TENM4: variants seen among roughly 807,000 people sequenced by gnomAD.
TENM4 encodes teneurin-4.
In TENM4, 82 loss-of-function variants were observed where a neutral mutation model predicts 243.3. That is an observed-to-expected ratio of 0.34 (90% CI 0.28 to 0.40). The LOEUF (loss-of-function observed/expected upper bound fraction) is 0.40, where lower values mean the gene tolerates loss of function less well. Among genes scored for constraint, TENM4 ranks in the 10% least tolerant of loss-of-function variants. TENM4 has a pLI of 1.00. For missense variants in TENM4, 3,138 were observed against 3,673.3 expected (o/e 0.85, Z 3.77); for synonymous variants, 1,412 against 1,456.3 (o/e 0.97, Z 0.69).
chr11:79,287,444 A>G (rs1051438154), intron 2 of TENM4, among the ~76,000 whole-genome samples: 1 of 152,210 alleles, frequency 6.6e-6, no homozygotes, highest in Admixed American at 6.5e-5. Flanking sequence ...TGGGTCATCC[A>G]ACAAAGATTT....
chr11:78,973,460 C>A (rs769171613), intron 6 of TENM4, among the ~76,000 whole-genome samples: 2 of 152,122 alleles, frequency 1.3e-5, no homozygotes, highest in African/African-American at 2.4e-5. Context: ...TCCTTATTTG[C>A]CATTTGTACA....
intron 1 of TENM4, among the ~76,000 whole-genome samples, chr11:79,331,788 G>C (rs1857065912): frequency 6.6e-6 from 1 of 152,356 alleles, no homozygotes; most frequent in East Asian, 1.9e-4. Context: ...CAGGGGCTGA[G>C]AGCTCAGCCT....
chr11:79,440,322 G>C lies in TENM4; in HGVS notation c.-321+187C>G, dbSNP rs984450036. On this transcript the variant is annotated intron_variant, in intron 1 of 33. Transcript: ENST00000278550. The surrounding 1 kb of genome is among the most constrained non-coding windows in gnomAD (Gnocchi z 4.7). ...AGGCTCCAGAACAGCTTGCCTCTTC[G>C]GCCACCCGCGCCCTAGCCTCCCTCC... Among the ~76,000 whole-genome samples, 4 of 152,156 alleles carry C rather than the reference G, an allele frequency of 2.6e-5. No homozygotes were observed. Among genetic ancestry groups the C allele is most frequent in the Admixed American group, 6.5e-5 (1 of 15,304 alleles).
At chr11:78,807,499 C>T (rs542363567) in intron 14 of TENM4, among the ~76,000 whole-genome samples, 9 of 152,256 alleles carry the variant, frequency 5.9e-5, no homozygotes, top group Non-Finnish European at 8.8e-5. Flanking sequence ...GAGAAGAGTA[C>T]TGAGAATTAA....
intron 6 of TENM4, among the ~76,000 whole-genome samples, chr11:79,030,650 G>A (rs1859205508): frequency 1.3e-5 from 2 of 152,120 alleles, no homozygotes; most frequent in African/African-American, 4.8e-5. Context: ...GCTCAGGCAG[G>A]ACTCTTGGTG....
intron 6 of TENM4, among the ~76,000 whole-genome samples, chr11:78,908,616 G>A (rs542077021): frequency 5.9e-5 from 9 of 152,286 alleles, no homozygotes; most frequent in Admixed American, 3.3e-4. Context: ...AGCTCTAGTC[G>A]CAGGAGGGTG....
chr11:78,805,581 G>A, intron 14 of TENM4, 89 bp from the exon 15 acceptor site: 1 of 1,456,608 alleles, frequency 6.9e-7, no homozygotes, highest in Non-Finnish European at 9.3e-7. Flanking sequence ...TTGTGGCCAA[G>A]GGGCTTCATA....
intron 3 of TENM4, among the ~76,000 whole-genome samples, chr11:79,170,394 T>C (rs1297849317): frequency 2.0e-5 from 3 of 152,172 alleles, no homozygotes; most frequent in African/African-American, 7.2e-5. Context: ...TCAAACAGCA[T>C]TGCCCAAAAT....
intron 2 of TENM4, among the ~76,000 whole-genome samples, chr11:79,264,375 G>C (rs1855848703): frequency 6.6e-6 from 1 of 152,158 alleles, no homozygotes; most frequent in South Asian, 2.1e-4. Context: ...GCAATTATAA[G>C]GCATTTACAA....
rs752626042 is a variant in TENM4 at position 79,064,942 on chromosome 11, G to C, written c.289C>G (p.Arg97Gly). The C allele has an allele frequency of 7.3e-6, 11 of 1,510,386 alleles. No individual in the cohort carries two copies. The highest frequency in any genetic ancestry group is 2.5e-5 in the East Asian group (1 of 40,148). The allele number at this position is 1,510,386 out of a possible 1,614,324, so 93.6% of individuals were successfully genotyped here. Residue 97 changes from arginine (R) to glycine (G), a missense_variant, in exon 6 of 34, where the codon CGG (arginine) becomes GGG (glycine). Physicochemically the swap from Arg to Gly is moderately radical, Grantham distance 125. Around this residue, in one of 2 missense-constraint regions of TENM4, gnomAD observed 671 missense variants for 614.1 expected, o/e 1.09. Coordinates refer to ENST00000278550, the MANE Select transcript of TENM4 (RefSeq NM_001098816.3). ...CAGTGGGGGAGGCCAATGTCTGTCCGGTACAGGGTCCCGTGAGGGGGCGTT... is the reference window on the plus strand; with the variant it reads ...CAGTGGGGGAGGCCAATGTCTGTCCCGTACAGGGTCCCGTGAGGGGGCGTT... The part of the protein sequence containing the change: ...EVTPPHGTLY[R>G]TDIGLPHCGY...
At chr11:79,274,007 G>A (rs573763810) in intron 2 of TENM4, among the ~76,000 whole-genome samples, 9 of 152,228 alleles carry the variant, frequency 5.9e-5, no homozygotes, top group Non-Finnish European at 1.5e-5. Context: ...CTCAGCATCT[G>A]CAAGCTTCAG....
chr11:79,422,402 T>C (rs577613816), intron 1 of TENM4, among the ~76,000 whole-genome samples: 1 of 152,132 alleles, frequency 6.6e-6, no homozygotes, highest in South Asian at 2.1e-4. Flanking sequence ...CTTGGGCAAT[T>C]TACTTACCAT....
intron 2 of TENM4, among the ~76,000 whole-genome samples, chr11:79,247,656 T>C (rs1173837048): frequency 2.6e-5 from 4 of 152,170 alleles, no homozygotes; most frequent in Non-Finnish European, 2.9e-5. Flanking sequence ...AACAGAAATA[T>C]GTGAACATCC....
intron 2 of TENM4, among the ~76,000 whole-genome samples, chr11:79,258,197 G>A (rs1205319108): frequency 6.6e-6 from 1 of 152,164 alleles, no homozygotes; most frequent in Admixed American, 6.5e-5. Flanking sequence ...TTACGATGAT[G>A]AGACCTTGGA....
At chr11:78,961,258 A>G (rs1242768095) in intron 6 of TENM4, among the ~76,000 whole-genome samples, 1 of 152,230 alleles carries the variant, frequency 6.6e-6, no homozygotes, top group Non-Finnish European at 1.5e-5. Context: ...AAACATCAGG[A>G]AATCCTGGGG....
intron 3 of TENM4, among the ~76,000 whole-genome samples, chr11:79,155,187 G>A (rs890513758): frequency 2.0e-5 from 3 of 152,166 alleles, no homozygotes; most frequent in African/African-American, 4.8e-5. Context: ...GGACCCAGAA[G>A]AGGGACAGAT....
chr11:78,750,981 G>C (rs1270305423), intron 19 of TENM4, among the ~76,000 whole-genome samples: 1 of 152,110 alleles, frequency 6.6e-6, no homozygotes, highest in African/African-American at 2.4e-5. Context: ...CTGGGTTCAA[G>C]TGATTCTCCC....
chr11:78,892,795 T>C (rs1163006530), intron 7 of TENM4, among the ~76,000 whole-genome samples: 3 of 152,182 alleles, frequency 2.0e-5, no homozygotes, highest in Admixed American at 6.5e-5. Context: ...AAGCAAAGCT[T>C]GTAGAAGCAA....
rs1340326511 is a variant in TENM4, at chr11:78,708,429, G to T, written c.4141C>A (p.Leu1381Met). The change falls in exon 27 of 34, where the codon CTG (leucine) becomes ATG (methionine). Residue 1381 changes from leucine to methionine, a missense_variant. Physicochemically the swap from Leu to Met is conservative, Grantham distance 15. Coordinates refer to ENST00000278550, the MANE Select transcript of TENM4 (RefSeq NM_001098816.3). ...RIDQNGIIST[L>M]LGSNDLTSAR... ...GATGTGAGATCATTAGAGCCGAGCA[G>T]GGTGGAGATGATCCCATTCTGATCG... The T allele has an allele frequency of 6.2e-7, 1 of 1,614,062 alleles. No homozygotes were observed. The highest frequency in any genetic ancestry group is 1.3e-5 in the African/African-American group (1 of 75,064).
Sources: allele counts gnomAD v4.1 joint callset (sites outside exome capture counted in the v4.1 genomes callset), GRCh38; gene constraint gnomAD v4.1.1; regional missense constraint gnomAD v4.1.1; non-coding constraint Gnocchi (gnomAD v3.1); transcripts MANE v1.5; gene names NCBI Gene and HGNC (gene_info 2026-07-23, HGNC 2026-07-21).